Variants in PPIF observed in about 807,000 individuals in gnomAD.
PPIF encodes the protein peptidyl-prolyl cis-trans isomerase F, mitochondrial.
In PPIF, 23 loss-of-function variants were observed where a neutral mutation model predicts 20.2. The ratio of observed to expected loss-of-function variants is 1.14; its 90% CI spans 0.82 to 1.61. The LOEUF is 1.61. PPIF is among the 40% of genes most tolerant of loss of function. The pLI is 0.00. For missense variants in PPIF, 287 were observed against 291.6 expected (o/e 0.98, Z 0.11); for synonymous variants, 113 against 123.1 (o/e 0.92, Z 0.54).
Position 79,347,695 on chromosome 10 carries a change from C to A in PPIF, c.147C>A (p.Tyr49Ter). The A allele has an allele frequency of 6.8e-7, 1 of 1,478,336 alleles. No individual in the cohort carries two copies. Among genetic ancestry groups the A allele is most frequent in the Admixed American group, 2.3e-5 (1 of 42,740 alleles). The allele number at this position is 1,478,336 out of a possible 1,614,324, so 91.6% of individuals were successfully genotyped here. Residue 49 changes from tyrosine (Y) to a stop codon, truncating the protein, a stop_gained, in exon 1 of 6, where the codon TAC becomes TAA. Coordinates refer to ENST00000225174, the MANE Select transcript of PPIF (RefSeq NM_005729.4). LOFTEE classifies it high-confidence loss of function. ...SSSSSGNPLV[Y>*]LDVDANGKPL... ...CCTCCTCCGGGAACCCGCTCGTGTACCTGGACGTGGACGCCAACGGGAAGC... is the reference window on the plus strand; with the variant it reads ...CCTCCTCCGGGAACCCGCTCGTGTAACTGGACGTGGACGCCAACGGGAAGC...
chr10:79,348,467 C>G lies in PPIF; in HGVS notation c.196-609C>G, dbSNP rs773147428. Reference sequence around the variant, plus strand: ...CTTTAGAGGGAAAGCCCTAGTGGAGCCTTCAGGTCGGCCACACATTGACAG... The same window carrying G: ...CTTTAGAGGGAAAGCCCTAGTGGAGGCTTCAGGTCGGCCACACATTGACAG... On this transcript the variant is annotated intron_variant, in intron 1 of 5. Transcript: ENST00000225174. 5.3e-5 allele frequency among the ~76,000 whole-genome samples: 8 copies of G among 152,164 alleles called. 1 individual carries two copies. In the South Asian group the frequency reaches 1.0e-3, roughly 20 times the overall value.
chr10:79,349,950 G>C, intron 3 of PPIF, 197 bp downstream of exon 3: 2 of 1,246,700 alleles, frequency 1.6e-6, no homozygotes, highest in Non-Finnish European at 2.2e-6. Flanking sequence ...TGCCACTCCA[G>C]GTCAGTGGCA....
At chr10:79,352,092 T>C (rs1028227002) in intron 4 of PPIF, among the ~76,000 whole-genome samples, 3 of 151,958 alleles carry the variant, frequency 2.0e-5, no homozygotes, top group Non-Finnish European at 4.4e-5. Context: ...CACTGAGAGC[T>C]TCCACAAGGC....
Position 79,354,575 on chromosome 10 carries a change from A to C in PPIF, c.*733A>C, listed in dbSNP as rs1856025161. 3 of 152,832 alleles carry C rather than the reference A, an allele frequency of 2.0e-5. No individual in the cohort carries two copies. The highest frequency in any genetic ancestry group is 2.0e-4 in the Admixed American group (3 of 15,284). The allele number at this position is 152,832 out of a possible 1,614,324, so 9.5% of individuals were successfully genotyped here. ...TGGCCTGTAAGCTCCTGTGCTCCGG[A>C]GGGAAGCATTTCCTGGTAGGCTTTG... On this transcript the variant is annotated 3_prime_UTR_variant, in exon 6 of 6. Transcript: ENST00000225174.
intron 3 of PPIF, 159 bp downstream of exon 3, chr10:79,349,912 T>G: frequency 7.0e-7 from 1 of 1,435,822 alleles, no homozygotes; most frequent in Non-Finnish European, 9.2e-7. Flanking sequence ...CAGGCTTCAC[T>G]GCACATGGAA....
chr10:79,349,279 G>T (rs541993105), intron 2 of PPIF, among the ~76,000 whole-genome samples, 173 bp downstream of exon 2: 2 of 152,372 alleles, frequency 1.3e-5, no homozygotes, highest in South Asian at 4.1e-4. Context: ...CCCTCTCTGG[G>T]CCTCAACGTT....
intron 3 of PPIF, chr10:79,350,155 G>A (rs1855962228): frequency 9.7e-6 from 2 of 207,120 alleles, no homozygotes; most frequent in Non-Finnish European, 2.0e-5. Context: ...AGGCGGAGGA[G>A]GAAGACAGGT....
chr10:79,352,689 T>C (rs1302319540), intron 5 of PPIF, among the ~76,000 whole-genome samples: 1 of 152,196 alleles, frequency 6.6e-6, no homozygotes, highest in Non-Finnish European at 1.5e-5. Flanking sequence ...CCAGATACAT[T>C]TGGGAAATGT....
At position 79,351,525 on chromosome 10, in the gene PPIF, G is replaced by A. The variant is rs1221627062; in HGVS notation, c.354G>A (p.Lys118=). ...DFTNHNGTGG[K]SIYGSRFPDE... is the part of the protein sequence containing the mutation. ...CCAACCACAATGGCACAGGCGGGAA[G>A]TCCATCTACGGAAGCCGCTTTCCTG... The change falls in exon 4 of 6, where the codon AAG becomes AAA. Residue 118 remains lysine (K), a synonymous_variant. Coordinates refer to ENST00000225174, the MANE Select transcript of PPIF (RefSeq NM_005729.4). 6 of 1,614,110 alleles carry A rather than the reference G, an allele frequency of 3.7e-6. No homozygotes were observed. In the African/African-American group the frequency reaches 5.3e-5, roughly 14 times the overall value.
intron 1 of PPIF, 77 bp downstream of exon 1, chr10:79,347,820 C>G (rs1406470782): frequency 8.1e-7 from 1 of 1,240,192 alleles, no homozygotes; most frequent in African/African-American, 1.6e-5. Flanking sequence ...CGGCGCGGTG[C>G]CGGGCGCGCT....
chr10:79,347,565 G>A lies in PPIF; in HGVS notation c.17G>A (p.Cys6Tyr). The change falls in exon 1 of 6, where the codon TGC becomes TAC. Residue 6 changes from cysteine (C) to tyrosine (Y), a missense_variant. Physicochemically the swap from Cys to Tyr is radical, Grantham distance 194. Coordinates refer to ENST00000225174, the MANE Select transcript of PPIF (RefSeq NM_005729.4). MLALRCGSRWLGLLSV... is the reference protein window; with the variant it reads MLALRYGSRWLGLLSV... ...GCGCCCGCGATGCTGGCGCTGCGCT[G>A]CGGCTCCCGCTGGCTCGGCCTGCTC... The A allele has an allele frequency of 7.4e-7, 1 of 1,351,024 alleles. No individual in the cohort carries two copies. The highest frequency in any genetic ancestry group is 9.5e-7 in the Non-Finnish European group (1 of 1,052,822). 83.7% of individuals were successfully genotyped at this position (1,351,024 alleles called of 1,614,324 possible). A position where few individuals can be genotyped will look rare whatever the true frequency, so the allele number is the denominator to read the frequency against.
chr10:79,348,173 G>A (rs1374118601), intron 1 of PPIF, among the ~76,000 whole-genome samples: 1 of 151,854 alleles, frequency 6.6e-6, no homozygotes, highest in African/African-American at 2.4e-5. Flanking sequence ...TCCTGGCTCC[G>A]GCCCCGCCCC....
chr10:79,347,688 T>C lies in PPIF; in HGVS notation c.140T>C (p.Leu47Pro), dbSNP rs1855917954. ...PSSSSSSGNP[L>P]VYLDVDANGK... ...TCTTCCTCCTCCTCCGGGAACCCGC[T>C]CGTGTACCTGGACGTGGACGCCAAC... Residue 47 changes from leucine (L) to proline (P), a missense_variant, in exon 1 of 6, where the codon CTC becomes CCC. Coordinates refer to ENST00000225174, the MANE Select transcript of PPIF (RefSeq NM_005729.4). The C allele has an allele frequency of 3.4e-6, 5 of 1,483,042 alleles. No homozygotes were observed. Among genetic ancestry groups the C allele is most frequent in the Non-Finnish European group, 4.5e-6 (5 of 1,113,312 alleles). 91.9% of individuals were successfully genotyped at this position (1,483,042 alleles called of 1,614,324 possible). A position where few individuals can be genotyped will look rare whatever the true frequency, so the allele number is the denominator to read the frequency against.
intron 1 of PPIF, 140 bp downstream of exon 1, chr10:79,347,883 C>T: frequency 8.4e-7 from 1 of 1,196,320 alleles, no homozygotes; most frequent in Non-Finnish European, 1.0e-6. Flanking sequence ...TTCCCCATTT[C>T]TGAGAATGGG....
chr10:79,353,700 CT>C lies in PPIF; in HGVS notation c.489-6del, dbSNP rs768328723. ...CTGTTGCTCACCCGGGTCACCCGTC[CT>C]CACAGGTTGGATGGCAAGCATGTTG... On this transcript the variant is annotated splice_polypyrimidine_tract_variant and splice_region_variant and intron_variant, in intron 5 of 5. Coordinates refer to ENST00000225174, the MANE Select transcript of PPIF (RefSeq NM_005729.4). 3 of 1,614,236 alleles carry C rather than the reference CT, an allele frequency of 1.9e-6. No individual in the cohort carries two copies. The highest frequency in any genetic ancestry group is 3.3e-5 in the Admixed American group (2 of 60,022).
Position 79,349,801 on chromosome 10 carries a change from C to T in PPIF, c.315+48C>T, listed in dbSNP as rs1386269371. 3.1e-6 allele frequency: 5 copies of T among 1,611,462 alleles called. No homozygotes were observed. The Admixed American group carries it at 8.4e-5, about 27-fold the overall frequency. On this transcript the variant is annotated intron_variant, in intron 3 of 5. Transcript: ENST00000225174. The stretch of plus-strand genomic sequence containing the variant: ...AAGGGGGGATGAGAGCAGGAGCTGC[C>T]TTGTGGGTGTGTGAAGATGCCTGGT...
At position 79,353,790 on chromosome 10, in the gene PPIF, G is replaced by A. The variant is rs757290984; in HGVS notation, c.572G>A (p.Ser191Asn). ...AAAATAGAATCTTTCGGCTCTAAGA[G>A]TGGGAGGACATCCAAGAAGATTGTC... is the stretch of plus-strand genomic sequence containing the variant. ...VKKIESFGSK[S>N]GRTSKKIVIT... The change falls in exon 6 of 6, where the codon AGT becomes AAT. Residue 191 changes from serine (S) to asparagine (N), a missense_variant. Physicochemically the swap from Ser to Asn is conservative, Grantham distance 46 (BLOSUM62 1). Transcript: ENST00000225174. The A allele has an allele frequency of 3.7e-6, 6 of 1,614,254 alleles. No homozygotes were observed. In the African/African-American group the frequency reaches 5.3e-5, roughly 14 times the overall value.
rs952889425 is a variant in PPIF, at chr10:79,349,845, A to G, written c.315+92A>G. On this transcript the variant is annotated intron_variant, in intron 3 of 5. Transcript: ENST00000225174. ...GCCTGGTATGAGGAAGGTGCTGAGCAGAGCAGCTGCAGTTGCTCTGTCAGC... is the reference window on the plus strand; with the variant it reads ...GCCTGGTATGAGGAAGGTGCTGAGCGGAGCAGCTGCAGTTGCTCTGTCAGC... 3.8e-6 allele frequency: 6 copies of G among 1,572,474 alleles called. No homozygotes were observed. The African/African-American group carries it at 4.1e-5, about 11-fold the overall frequency.
At chr10:79,352,571 T>C (rs960463836) in intron 5 of PPIF, among the ~76,000 whole-genome samples, 179 bp downstream of exon 5, 2 of 152,206 alleles carry the variant, frequency 1.3e-5, no homozygotes, top group African/African-American at 2.4e-5. Context: ...CAAGGGAGAA[T>C]TGGGGTTGTT....
Sources: allele counts gnomAD v4.1 joint callset (sites outside exome capture counted in the v4.1 genomes callset), GRCh38; gene constraint gnomAD v4.1.1; transcripts MANE v1.5; gene names NCBI Gene and HGNC (gene_info 2026-07-23, HGNC 2026-07-21).